DIAPH1: variants seen among roughly 807,000 people sequenced by gnomAD.
The protein encoded by DIAPH1 is diaphanous related formin 1.
DIAPH1 carries 46 observed loss-of-function variants against 140.7 expected under a neutral mutation model. The ratio of observed to expected loss-of-function variants is 0.33; its 90% confidence interval spans 0.26 to 0.42. The LOEUF (loss-of-function observed/expected upper bound fraction) is 0.42, where lower values mean the gene tolerates loss of function less well. Ranked by LOEUF, DIAPH1 falls within the 10% of genes least tolerant of loss-of-function variation. The pLI, the probability that DIAPH1 is intolerant of heterozygous loss-of-function variation, is 1.00. For synonymous variants in DIAPH1, 565 were observed against 551.6 expected, an observed-to-expected ratio of 1.02 and a Z score of -0.34; for missense variants, 1,310 against 1,558.7, an observed-to-expected ratio of 0.84 and a Z score of 2.69.
At chr5:141,531,605 A>G (rs1423089471) in intron 19 of DIAPH1, among the ~76,000 whole-genome samples, 4 of 152,122 alleles carry the variant, frequency 2.6e-5, no homozygotes, top group African/African-American at 9.7e-5. Flanking sequence ...CTCCTGCCTC[A>G]GCCCCATGAG....
At chr5:141,581,058 A>G (rs2099896672) in intron 7 of DIAPH1, among the ~76,000 whole-genome samples, 175 bp from the exon 8 acceptor site, 1 of 152,254 alleles carries the variant, frequency 6.6e-6, no homozygotes, top group Non-Finnish European at 1.5e-5. Context: ...TGCAAATATA[A>G]TTAGTCAAGC....
intron 18 of DIAPH1, among the ~76,000 whole-genome samples, chr5:141,542,261 A>C (rs968571005): frequency 6.6e-6 from 1 of 152,088 alleles, no homozygotes; most frequent in African/African-American, 2.4e-5. Context: ...GTGAAATGCC[A>C]TTTCTACTAA....
At chr5:141,524,396 G>A in intron 26 of DIAPH1, 167 bp from the exon 27 acceptor site, 2 of 691,950 alleles carry the variant, frequency 2.9e-6, no homozygotes, top group Non-Finnish European at 5.2e-6. Context: ...ACACGCTCAT[G>A]TTTACTTGTA....
intron 18 of DIAPH1, among the ~76,000 whole-genome samples, chr5:141,567,805 G>C (rs961039747): frequency 6.6e-6 from 1 of 152,132 alleles, no homozygotes; most frequent in Non-Finnish European, 1.5e-5. Flanking sequence ...ATTATGTCAG[G>C]GCAGCAGACA....
At chr5:141,566,724 G>A (rs566937009) in intron 18 of DIAPH1, among the ~76,000 whole-genome samples, 1 of 152,116 alleles carries the variant, frequency 6.6e-6, no homozygotes, top group East Asian at 1.9e-4. Context: ...GTGAAACCCT[G>A]TCTCTACTAA....
At chr5:141,535,945 AC>A (rs1324734674) in intron 18 of DIAPH1, 1 of 456,474 alleles carries the variant, frequency 2.2e-6, no homozygotes, top group Non-Finnish European at 4.5e-6. Context: ...ATTACCTGGT[AC>A]AAATAAACAA....
chr5:141,534,318 G>A lies in DIAPH1; in HGVS notation c.2581+17C>T, dbSNP rs749575415. ...ATTCCTTCACATTTTGAATAGTTGG[G>A]ACCAAGAGATACTCACAGAGATTCT... On this transcript the variant is annotated intron_variant, in intron 19 of 27. Transcript: ENST00000389054. The A allele has an allele frequency of 1.9e-6, 3 of 1,573,168 alleles. No homozygotes were observed. The South Asian group carries it at 3.3e-5, about 17-fold the overall frequency.
chr5:141,608,462 A>G (rs1381501560), intron 1 of DIAPH1, among the ~76,000 whole-genome samples: 1 of 152,242 alleles, frequency 6.6e-6, no homozygotes, highest in Admixed American at 6.5e-5. Flanking sequence ...AAAGTCTAAG[A>G]TCACAGCCTT....
chr5:141,597,733 A>C (rs1040976569), intron 1 of DIAPH1, among the ~76,000 whole-genome samples: 5 of 152,132 alleles, frequency 3.3e-5, no homozygotes, highest in African/African-American at 1.2e-4. Flanking sequence ...TGGCTTTTAA[A>C]ATTCACAACA....
intron 18 of DIAPH1, among the ~76,000 whole-genome samples, chr5:141,560,222 TC>T (rs1422177062): frequency 1.3e-5 from 2 of 152,226 alleles, no homozygotes; most frequent in African/African-American, 4.8e-5. Flanking sequence ...TCTCATTTTT[TC>T]CCCTGAAATT....
At chr5:141,564,469 T>C (rs1473395937) in intron 18 of DIAPH1, 3 of 152,176 alleles carry the variant, frequency 2.0e-5, no homozygotes, top group Admixed American at 1.3e-4. Context: ...GAGAAGAAAA[T>C]TAAAACTTAA....
intron 18 of DIAPH1, among the ~76,000 whole-genome samples, chr5:141,542,725 T>C (rs1294919981): frequency 1.3e-5 from 2 of 152,302 alleles, no homozygotes; most frequent in South Asian, 2.1e-4. Context: ...CTGCTTAAAG[T>C]GTAAAGGATT....
chr5:141,541,697 A>G (rs924288892), intron 18 of DIAPH1, among the ~76,000 whole-genome samples: 30 of 151,642 alleles, frequency 2.0e-4, no homozygotes, highest in African/African-American at 4.8e-4. Flanking sequence ...AAAAAAAAAA[A>G]AAAGAAAGAA....
chr5:141,548,670 G>T (rs1393268432), intron 18 of DIAPH1, among the ~76,000 whole-genome samples: 1 of 152,142 alleles, frequency 6.6e-6, no homozygotes, highest in African/African-American at 2.4e-5. Context: ...AGCAAGCATG[G>T]TGATGTGTGC....
chr5:141,524,066 C>G, intron 27 of DIAPH1, 77 bp downstream of exon 27: 1 of 1,261,456 alleles, frequency 7.9e-7, no homozygotes, highest in African/African-American at 1.5e-5. Context: ...ATTATTTGCT[C>G]TTTAGCCGCA....
intron 15 of DIAPH1, among the ~76,000 whole-genome samples, chr5:141,574,707 TTATTAC>T (rs2099895711): frequency 6.6e-6 from 1 of 152,236 alleles, no homozygotes; most frequent in African/African-American, 2.4e-5. Flanking sequence ...ATTAGGAGAC[TTATTAC>T]TTTTATTTCT....
chr5:141,579,250 C>T (rs1027415649), intron 8 of DIAPH1, 54 bp from the exon 9 acceptor site: 5 of 1,320,594 alleles, frequency 3.8e-6, no homozygotes, highest in African/African-American at 2.9e-5. Context: ...GACACGGACA[C>T]GTATAATGAG....
At chr5:141,538,117 G>A (rs1440246805) in intron 18 of DIAPH1, among the ~76,000 whole-genome samples, 3 of 150,824 alleles carry the variant, frequency 2.0e-5, no homozygotes, top group South Asian at 2.1e-4. Flanking sequence ...CTGGAGTGCA[G>A]TGGCGCAATC....
intron 2 of DIAPH1, 61 bp from the exon 3 acceptor site, chr5:141,587,258 T>C: frequency 6.4e-7 from 1 of 1,568,496 alleles, no homozygotes; most frequent in Admixed American, 1.7e-5. Flanking sequence ...AAGCCACACA[T>C]CAAATTCTTT....
Sources: allele counts gnomAD v4.1 joint callset (sites outside exome capture counted in the v4.1 genomes callset), GRCh38; gene constraint gnomAD v4.1.1; transcripts MANE v1.5; gene names NCBI Gene and HGNC (gene_info 2026-07-23, HGNC 2026-07-21).